Variants in VEPH1 observed in about 807,000 individuals in gnomAD.
VEPH1 encodes the protein ventricular zone-expressed PH domain-containing protein homolog 1.
In VEPH1, 80 loss-of-function variants were observed where a neutral mutation model predicts 85.2. The observed-to-expected ratio is 0.94, with a 90% CI of 0.78 to 1.13. The LOEUF (loss-of-function observed/expected upper bound fraction) is 1.13, where lower values mean the gene tolerates loss of function less well. Among genes scored for constraint, VEPH1 ranks in the 50% most tolerant of loss-of-function variants. The pLI is 0.00. For missense variants in VEPH1, 955 were observed against 980.5 expected, an observed-to-expected ratio of 0.97 and a Z score of 0.35; for synonymous variants, 297 against 348.0, an observed-to-expected ratio of 0.85 and a Z score of 1.63.
At chr3:157,331,650 TGA>T (rs1005289005) in intron 9 of VEPH1, among the ~76,000 whole-genome samples, 2 of 152,216 alleles carry the variant, frequency 1.3e-5, no homozygotes, top group Non-Finnish European at 2.9e-5. Flanking sequence ...AAATTTGCAC[TGA>T]GAGAGAATTA....
chr3:157,395,203 TG>T (rs1730249075), intron 6 of VEPH1, among the ~76,000 whole-genome samples: 2 of 152,214 alleles, frequency 1.3e-5, no homozygotes, highest in Admixed American at 1.3e-4. Context: ...ATGGTACTCT[TG>T]GCAGAAGAAT....
intron 9 of VEPH1, among the ~76,000 whole-genome samples, chr3:157,362,942 A>T (rs1173817022): frequency 1.3e-5 from 2 of 152,194 alleles, no homozygotes; most frequent in African/African-American, 2.4e-5. Flanking sequence ...TGCCTGGAAC[A>T]CAGTAGCTGA....
chr3:157,496,979 C>T (rs1739718697), intron 1 of VEPH1, among the ~76,000 whole-genome samples: 1 of 152,190 alleles, frequency 6.6e-6, no homozygotes, highest in African/African-American at 2.4e-5. Context: ...ATCTAATCCT[C>T]ATAACTATAT....
intron 2 of VEPH1, among the ~76,000 whole-genome samples, chr3:157,477,528 C>T (rs1407232139): frequency 6.6e-6 from 1 of 152,038 alleles, no homozygotes; most frequent in African/African-American, 2.4e-5. Context: ...ATGATGCATA[C>T]CAATTGCAGC....
chr3:157,442,913 G>A (rs1734253111), intron 4 of VEPH1: 1 of 1,613,952 alleles, frequency 6.2e-7, no homozygotes, highest in African/African-American at 1.3e-5. Context: ...GTCACATCCG[G>A]GGGAATATTG....
intron 6 of VEPH1, 37 bp from the exon 7 acceptor site, chr3:157,381,413 A>C: frequency 6.2e-7 from 1 of 1,606,522 alleles, no homozygotes; most frequent in South Asian, 1.1e-5. Context: ...TTTATCTTTT[A>C]GAAGAAAATC....
intron 4 of VEPH1, chr3:157,459,680 G>A: frequency 1.4e-6 from 2 of 1,382,762 alleles, no homozygotes; most frequent in Admixed American, 3.2e-5. Flanking sequence ...ATTAACAGAG[G>A]TGTACTATTT....
intron 12 of VEPH1, among the ~76,000 whole-genome samples, chr3:157,272,384 TTTC>T (rs1437663765): frequency 1.8e-5 from 2 of 108,174 alleles, no homozygotes; most frequent in African/African-American, 7.7e-5. Context: ...CTTTTCTTTC[TTTC>T]TTTCTTTCTT....
At chr3:157,394,766 A>G (rs757856786) in intron 6 of VEPH1, among the ~76,000 whole-genome samples, 7 of 152,178 alleles carry the variant, frequency 4.6e-5, no homozygotes, top group Admixed American at 2.6e-4. Flanking sequence ...AAGACCTCTA[A>G]GCCAGCAGAA....
intron 2 of VEPH1, among the ~76,000 whole-genome samples, chr3:157,492,609 G>T (rs73158539): frequency 6.6e-6 from 1 of 151,996 alleles, no homozygotes; most frequent in Non-Finnish European, 1.5e-5. Flanking sequence ...TAGAAACAGA[G>T]GGTAGACTCT....
intron 9 of VEPH1, among the ~76,000 whole-genome samples, chr3:157,356,319 C>G (rs1182040740): frequency 6.6e-6 from 1 of 152,158 alleles, no homozygotes; most frequent in Non-Finnish European, 1.5e-5. Context: ...TAGGAATTAG[C>G]TGTCTTTTAC....
intron 7 of VEPH1, among the ~76,000 whole-genome samples, chr3:157,376,118 C>G (rs1208598447): frequency 6.6e-6 from 1 of 152,070 alleles, no homozygotes; most frequent in South Asian, 2.1e-4. Flanking sequence ...CCATCATCAT[C>G]CTCTCTCCCT....
intron 9 of VEPH1, among the ~76,000 whole-genome samples, chr3:157,327,189 C>T (rs1290196221): frequency 6.6e-6 from 1 of 152,178 alleles, no homozygotes; most frequent in Admixed American, 6.5e-5. Context: ...CACCACACCC[C>T]TATCCAGGGA....
chr3:157,482,254 C>T (rs376881088), intron 2 of VEPH1, among the ~76,000 whole-genome samples: 6 of 152,024 alleles, frequency 3.9e-5, no homozygotes, highest in South Asian at 2.1e-4. Flanking sequence ...GACAGAGTCT[C>T]ACTCTGTCGC....
chr3:157,404,097 C>T (rs1730975675), intron 6 of VEPH1, among the ~76,000 whole-genome samples: 1 of 152,154 alleles, frequency 6.6e-6, no homozygotes. Flanking sequence ...GTTTTCCTGA[C>T]CTCCTCAAAC....
At chr3:157,274,150 G>T (rs748748556) in intron 12 of VEPH1, among the ~76,000 whole-genome samples, 18 of 152,128 alleles carry the variant, frequency 1.2e-4, no homozygotes, top group Admixed American at 2.6e-4. Flanking sequence ...TCCCCGTGAG[G>T]ATTACATGCA....
intron 9 of VEPH1, among the ~76,000 whole-genome samples, chr3:157,331,918 C>G (rs1577359362): frequency 6.6e-6 from 1 of 152,308 alleles, no homozygotes; most frequent in East Asian, 1.9e-4. Context: ...GCTACACAAC[C>G]TGGGCTCAAA....
chr3:157,392,397 G>A (rs988195320), intron 6 of VEPH1, among the ~76,000 whole-genome samples: 3 of 152,152 alleles, frequency 2.0e-5, no homozygotes, highest in African/African-American at 7.2e-5. Context: ...CACGAGAACA[G>A]CATGGGAAAG....
At chr3:157,370,475 C>T (rs999004393) in intron 7 of VEPH1, among the ~76,000 whole-genome samples, 8 of 152,268 alleles carry the variant, frequency 5.3e-5, no homozygotes, top group South Asian at 2.1e-4. Flanking sequence ...TAGAATGCTA[C>T]GTTCCTTACT....
Sources: gnomAD v4.1 joint callset for allele counts (sites outside exome capture counted in the v4.1 genomes callset) on GRCh38, gnomAD v4.1.1 for gene constraint, MANE v1.5 for transcripts, NCBI Gene and HGNC (gene_info 2026-07-23, HGNC 2026-07-21) for gene names.